IQCM: variants seen among roughly 807,000 people sequenced by gnomAD.
IQCM encodes IQ motif containing M, also known as IQ domain-containing protein M.
Under a neutral mutation model 57.6 loss-of-function variants are expected in IQCM, and 45 were observed. The observed-to-expected ratio is 0.78, with a 90% CI of 0.62 to 1.00. IQCM has a LOEUF of 1.00. Among genes scored for constraint, IQCM ranks in the 50% least tolerant of loss-of-function variants. The pLI is 0.00. For synonymous variants in IQCM, 148 were observed against 158.9 expected, an observed-to-expected ratio of 0.93 and a Z score of 0.51; for missense variants, 468 against 511.6, an observed-to-expected ratio of 0.91 and a Z score of 0.82.
intron 6 of IQCM, among the ~76,000 whole-genome samples, chr4:149,682,495 T>C (rs1762252037): frequency 6.6e-6 from 1 of 151,194 alleles, no homozygotes; most frequent in Non-Finnish European, 1.5e-5. Flanking sequence ...ATCATATCTA[T>C]CTATTTCTTC....
intron 13 of IQCM, among the ~76,000 whole-genome samples, chr4:149,405,846 T>TCTCTCTGG (rs2111151310): frequency 6.8e-6 from 1 of 146,544 alleles, no homozygotes; most frequent in South Asian, 2.1e-4. Context: ...TATATATATA[T>TCTCTCTGG]ATATGCTCCA....
intron 12 of IQCM, among the ~76,000 whole-genome samples, chr4:149,481,707 T>G (rs1453589100): frequency 1.5e-5 from 2 of 136,454 alleles, no homozygotes; most frequent in African/African-American, 5.4e-5. Context: ...TTTTGTTTTT[T>G]TTTTTTTTTT....
chr4:149,529,491 T>C (rs949233775), intron 12 of IQCM, among the ~76,000 whole-genome samples: 2 of 152,242 alleles, frequency 1.3e-5, no homozygotes, highest in Admixed American at 1.3e-4. Flanking sequence ...TCATCCCATT[T>C]CAGGCTTTCA....
rs532002874 is a variant in IQCM, at chr4:149,569,340, C to A, written c.750-5450G>T. On this transcript the variant is annotated intron_variant, in intron 9 of 13. Transcript: ENST00000636793. ...TTCAGAGGTAAATTATCTGTCAAGT[C>A]GTGACATTAGGGATGACATTTTTAA... is the stretch of plus-strand genomic sequence containing the variant. 4.8e-4 allele frequency among the ~76,000 whole-genome samples: 73 copies of A among 152,220 alleles called. 1 individual carries two copies. In the South Asian group the frequency reaches 0.015, roughly 32 times the overall value.
intron 13 of IQCM, among the ~76,000 whole-genome samples, chr4:149,367,523 C>G (rs1202131098): frequency 6.6e-6 from 1 of 151,926 alleles, no homozygotes; most frequent in Admixed American, 6.6e-5. Flanking sequence ...TTAAGTAGTA[C>G]ATAGTATTCT....
At chr4:149,464,355 C>G (rs946016633) in intron 12 of IQCM, among the ~76,000 whole-genome samples, 1 of 152,142 alleles carries the variant, frequency 6.6e-6, no homozygotes, top group Non-Finnish European at 1.5e-5. Context: ...GGATTCAGAT[C>G]CTTCCTATCC....
At chr4:149,732,829 C>T (rs1766584546) in intron 5 of IQCM, among the ~76,000 whole-genome samples, 1 of 152,156 alleles carries the variant, frequency 6.6e-6, no homozygotes, top group African/African-American at 2.4e-5. Flanking sequence ...TAAGGGAAAA[C>T]TCTATAGCTT....
intron 7 of IQCM, among the ~76,000 whole-genome samples, chr4:149,645,788 A>T (rs987666153): frequency 6.6e-6 from 1 of 151,894 alleles, no homozygotes; most frequent in African/African-American, 2.4e-5. Flanking sequence ...CACACTCCAG[A>T]CCTCCTGCCA....
At chr4:149,527,669 G>C (rs1029499653) in intron 12 of IQCM, among the ~76,000 whole-genome samples, 2 of 152,172 alleles carry the variant, frequency 1.3e-5, no homozygotes, top group Non-Finnish European at 2.9e-5. Context: ...ATTTACACAG[G>C]AGTTAATAAG....
intron 9 of IQCM, among the ~76,000 whole-genome samples, chr4:149,578,767 C>A (rs1751896986): frequency 6.6e-6 from 1 of 151,746 alleles, no homozygotes; most frequent in Non-Finnish European, 1.5e-5. Flanking sequence ...TATTGCCAAC[C>A]ACGTATATAT....
chr4:149,605,164 G>C (rs1388444191), intron 8 of IQCM, among the ~76,000 whole-genome samples: 2 of 152,098 alleles, frequency 1.3e-5, no homozygotes, highest in Non-Finnish European at 2.9e-5. Flanking sequence ...TTGAGAATTG[G>C]GTTGAATATT....
At chr4:149,446,776 T>C (rs535481191) in intron 12 of IQCM, among the ~76,000 whole-genome samples, 8 of 151,740 alleles carry the variant, frequency 5.3e-5, no homozygotes, top group African/African-American at 1.9e-4. Context: ...GGGCAAAATA[T>C]ACTGTTTTAA....
intron 2 of IQCM, among the ~76,000 whole-genome samples, chr4:149,760,810 T>C (rs1328325613): frequency 6.6e-6 from 1 of 152,060 alleles, no homozygotes; most frequent in Non-Finnish European, 1.5e-5. Flanking sequence ...TAGTATTTAC[T>C]CTTAGTATTT....
At chr4:149,536,772 A>G (rs1398123604) in intron 12 of IQCM, among the ~76,000 whole-genome samples, 1 of 152,200 alleles carries the variant, frequency 6.6e-6, no homozygotes, top group East Asian at 1.9e-4. Flanking sequence ...CAAGGAAGGT[A>G]TCCATTAGTA....
At chr4:149,419,244 C>T (rs1489886554) in intron 13 of IQCM, among the ~76,000 whole-genome samples, 1 of 152,026 alleles carries the variant, frequency 6.6e-6, no homozygotes, top group Non-Finnish European at 1.5e-5. Context: ...TGAAACTATA[C>T]CACAAAACCA....
At chr4:149,615,322 T>A (rs1488187397) in intron 8 of IQCM, among the ~76,000 whole-genome samples, 3 of 152,180 alleles carry the variant, frequency 2.0e-5, no homozygotes, top group African/African-American at 4.8e-5. Context: ...AGGAATTACA[T>A]TCCAGGTCTC....
At chr4:149,596,078 A>T (rs1753748882) in intron 8 of IQCM, among the ~76,000 whole-genome samples, 1 of 152,176 alleles carries the variant, frequency 6.6e-6, no homozygotes, top group African/African-American at 2.4e-5. Flanking sequence ...AAAACCACAG[A>T]AATTTAATCA....
chr4:149,437,064 T>A (rs1040953895), intron 12 of IQCM, among the ~76,000 whole-genome samples: 1 of 152,132 alleles, frequency 6.6e-6, no homozygotes, highest in African/African-American at 2.4e-5. Context: ...CAATGCCTCC[T>A]AGCTGGTAAG....
At chr4:149,415,968 G>T (rs1733718528) in intron 13 of IQCM, among the ~76,000 whole-genome samples, 1 of 152,082 alleles carries the variant, frequency 6.6e-6, no homozygotes, top group Admixed American at 6.6e-5. Flanking sequence ...GAGTTAATGG[G>T]TGCAGCACAC....
Sources: gnomAD v4.1 joint callset for allele counts (sites outside exome capture counted in the v4.1 genomes callset) on GRCh38, gnomAD v4.1.1 for gene constraint, MANE v1.5 for transcripts, NCBI Gene and HGNC (gene_info 2026-07-23, HGNC 2026-07-21) for gene names.